PPP4C: variants seen among roughly 807,000 people sequenced by gnomAD.
PPP4C encodes the protein serine/threonine-protein phosphatase 4 catalytic subunit.
Under a neutral mutation model 40.5 loss-of-function variants are expected in PPP4C, and 10 were observed. The ratio of observed to expected loss-of-function variants is 0.25; its 90% confidence interval spans 0.15 to 0.42. The LOEUF is 0.42. Among genes scored for constraint, PPP4C ranks in the 10% least tolerant of loss-of-function variants. The probability of loss-of-function intolerance (pLI) is 1.00; values close to 1 mark genes in which losing one functional copy is unlikely to be tolerated. For missense variants in PPP4C, 191 were observed against 416.4 expected, an observed-to-expected ratio of 0.46 and a Z score of 4.71; for synonymous variants, 187 against 163.6, an observed-to-expected ratio of 1.14 and a Z score of -1.09.
At chr16:30,082,987 G>T in intron 5 of PPP4C, 140 bp downstream of exon 5, 1 of 748,380 alleles carries the variant, frequency 1.3e-6, no homozygotes, top group Non-Finnish European at 2.2e-6. Context: ...TCTGCTTTTG[G>T]GGGTGGTCAG....
chr16:30,078,238 C>CA (rs2072440279), intron 2 of PPP4C, among the ~76,000 whole-genome samples: 1 of 152,154 alleles, frequency 6.6e-6, no homozygotes, highest in Admixed American at 6.6e-5. Context: ...CTAAGGAATA[C>CA]GCAGGGTGGG....
Position 30,082,780 on chromosome 16 carries a change from T to C in PPP4C, c.236T>C (p.Phe79Ser). 1.2e-6 allele frequency: 2 copies of C among 1,614,096 alleles called. No individual in the cohort carries two copies. The highest frequency in any genetic ancestry group is 1.7e-6 in the Non-Finnish European group (2 of 1,180,004). Residue 79 changes from phenylalanine to serine, a missense_variant, in exon 5 of 9, where the codon TTC becomes TCC. Phe to Ser is a radical substitution (Grantham distance 155). Coordinates refer to ENST00000279387, the MANE Select transcript of PPP4C (RefSeq NM_002720.3). ...GACGTCCCTGAGACCAACTACCTCTTCATGGGGGACTTTGTGGACCGTGGC... is the reference window on the plus strand; with the variant it reads ...GACGTCCCTGAGACCAACTACCTCTCCATGGGGGACTTTGTGGACCGTGGC... ...GGDVPETNYL[F>S]MGDFVDRGFY...
chr16:30,082,569 G>A (rs2072531217), intron 4 of PPP4C, 35 bp downstream of exon 4: 8 of 1,601,620 alleles, frequency 5.0e-6, no homozygotes, highest in Non-Finnish European at 6.8e-6. Flanking sequence ...AATGTAACGG[G>A]GGGATGACTG....
chr16:30,080,506 C>CTTT lies in PPP4C; in HGVS notation c.99-737_99-735dup, dbSNP rs71373222. On this transcript the variant is annotated intron_variant, in intron 2 of 8. Transcript: ENST00000279387. Reference sequence around the variant, plus strand: ...CTGAACACATGGCAAGAGCACCTCACTTTTTTTTTTTTTTTTTTGAGATGA... The same window carrying CTTT: ...CTGAACACATGGCAAGAGCACCTCACTTTTTTTTTTTTTTTTTTTTTGAGATGA... Among the ~76,000 whole-genome samples the CTTT allele has an allele frequency of 1.4e-3, 171 of 123,980 alleles. 2 individuals are homozygous for CTTT. Among genetic ancestry groups the CTTT allele is most frequent in the African/African-American group, 3.9e-3 (130 of 32,924 alleles). The allele number at this position is 123,980 out of a possible 152,430, so 81.3% of individuals were successfully genotyped here. A position where few individuals can be genotyped will look rare whatever the true frequency, so the allele number is the denominator to read the frequency against.
chr16:30,082,591 T>G, intron 4 of PPP4C, 57 bp downstream of exon 4: 1 of 1,587,916 alleles, frequency 6.3e-7, no homozygotes, highest in Middle Eastern at 1.7e-4. Flanking sequence ...AAGACCCCTG[T>G]AATTGAGGGT....
At position 30,081,414 on chromosome 16, in the gene PPP4C, C is replaced by T. The variant is rs532357959; in HGVS notation, c.150+104C>T. ...TAAGCCCAACCCTAAGCTCTTTTAT[C>T]TGTCCTTTCCCTCACCTTCAACGGA... is the stretch of plus-strand genomic sequence containing the variant. On this transcript the variant is annotated intron_variant, in intron 3 of 8. Transcript: ENST00000279387. 3.6e-5 allele frequency: 34 copies of T among 935,604 alleles called. No individual in the cohort carries two copies. The Admixed American group carries it at 4.2e-4, about 12-fold the overall frequency. The allele number at this position is 935,604 out of a possible 1,614,324, so 58.0% of individuals were successfully genotyped here. A position where few individuals can be genotyped will look rare whatever the true frequency, so the allele number is the denominator to read the frequency against.
chr16:30,083,453 G>C lies in PPP4C; in HGVS notation c.363G>C (p.Thr121=), dbSNP rs1317052383. Residue 121 remains threonine (T), a synonymous_variant, in exon 6 of 9, where the codon ACG becomes ACC. Transcript: ENST00000279387. The surrounding 1 kb of genome is among the most constrained non-coding windows in gnomAD (Gnocchi z 6.3). ...GCAACCATGAGAGTCGCCAGATCAC[G>C]CAGGTCTATGGCTTCTACGATGAGT... ...IRGNHESRQI[T]QVYGFYDECL... The C allele has an allele frequency of 1.2e-6, 2 of 1,614,120 alleles. No homozygotes were observed. The highest frequency in any genetic ancestry group is 2.2e-5 in the East Asian group (1 of 44,878).
intron 2 of PPP4C, among the ~76,000 whole-genome samples, chr16:30,078,261 C>T (rs1215459149): frequency 6.6e-6 from 1 of 152,196 alleles, no homozygotes; most frequent in Admixed American, 6.5e-5. Context: ...GAGTACTTAG[C>T]CCCATTTCAT....
chr16:30,081,741 TCAAAAAAAAA>T lies in PPP4C; in HGVS notation c.150+451_150+460del, dbSNP rs536698787. 903 of 150,388 alleles carry T rather than the reference TCAAAAAAAAA, an allele frequency of 6.0e-3. 12 individuals are homozygous for T. The highest frequency in any genetic ancestry group is 0.021 in the African/African-American group (769 of 37,060). The allele number at this position is 150,388 out of a possible 1,614,324, so 9.3% of individuals were successfully genotyped here. A position where few individuals can be genotyped will look rare whatever the true frequency, so the allele number is the denominator to read the frequency against. Reference sequence around the variant, plus strand: ...CTGGGTGACAGAGGGAGACTCCGTCTCAAAAAAAAACAAAAAAAAACAAAAAAAACAGGCC... The same window carrying T: ...CTGGGTGACAGAGGGAGACTCCGTCTCAAAAAAAAACAAAAAAAACAGGCC... On this transcript the variant is annotated intron_variant, in intron 3 of 8. Coordinates refer to ENST00000279387, the MANE Select transcript of PPP4C (RefSeq NM_002720.3).
At chr16:30,082,881 G>T in intron 5 of PPP4C, 34 bp downstream of exon 5, 1 of 1,572,972 alleles carries the variant, frequency 6.4e-7, no homozygotes, top group South Asian at 1.1e-5. Flanking sequence ...CCCCAACCTG[G>T]GCGACCTCGG....
chr16:30,076,311 C>T lies in PPP4C; in HGVS notation c.-63-4C>T. 6.5e-7 allele frequency: 1 copy of T among 1,530,274 alleles called. No homozygotes were observed. The highest frequency in any genetic ancestry group is 1.8e-5 in the Admixed American group (1 of 56,280). 94.8% of individuals were successfully genotyped at this position (1,530,274 alleles called of 1,614,324 possible). A position where few individuals can be genotyped will look rare whatever the true frequency, so the allele number is the denominator to read the frequency against. On this transcript the variant is annotated splice_region_variant and splice_polypyrimidine_tract_variant and intron_variant, in intron 1 of 8. Coordinates refer to ENST00000279387, the MANE Select transcript of PPP4C (RefSeq NM_002720.3). ...ATCCGCGGGCTCGTCTTGGCCTTTC[C>T]CAGGAGACCCCTGTGCGGTGCGGAG...
rs2072500892 is a variant in PPP4C, at chr16:30,081,251, G to T, written c.99-8G>T. 3 of 1,613,536 alleles carry T rather than the reference G, an allele frequency of 1.9e-6. No individual in the cohort carries two copies. Among genetic ancestry groups the T allele is most frequent in the Non-Finnish European group, 2.5e-6 (3 of 1,179,824 alleles). Reference sequence around the variant, plus strand: ...GCTGTGGTGACCCTGGTCTTCTCCTGTCTCCAGAGAGATCTTGGTAGAGGA... The same window carrying T: ...GCTGTGGTGACCCTGGTCTTCTCCTTTCTCCAGAGAGATCTTGGTAGAGGA... On this transcript the variant is annotated splice_region_variant and splice_polypyrimidine_tract_variant and intron_variant, in intron 2 of 8. Transcript: ENST00000279387.
Position 30,085,208 on chromosome 16 carries a change from C to A in PPP4C, c.*146C>A. 3.5e-6 allele frequency: 3 copies of A among 846,802 alleles called. No individual in the cohort carries two copies. Among genetic ancestry groups the A allele is most frequent in the Non-Finnish European group, 5.4e-6 (3 of 552,900 alleles). 52.5% of individuals were successfully genotyped at this position (846,802 alleles called of 1,614,324 possible). On this transcript the variant is annotated 3_prime_UTR_variant, in exon 9 of 9. Transcript: ENST00000279387. ...GGGTGCTTCGAGGGTGAGGACTTCT[C>A]TGGAGAGGCCTGGAGACCTAGCTCC...
At chr16:30,079,000 C>T (rs2072454615) in intron 2 of PPP4C, among the ~76,000 whole-genome samples, 1 of 152,058 alleles carries the variant, frequency 6.6e-6, no homozygotes, top group Admixed American at 6.5e-5. Flanking sequence ...TGCGCTGGCA[C>T]TGAGGGGGGC....
At chr16:30,081,126 G>A in intron 2 of PPP4C, 133 bp from the exon 3 acceptor site, 1 of 1,278,090 alleles carries the variant, frequency 7.8e-7, no homozygotes, top group Non-Finnish European at 1.1e-6. Context: ...CCTGTTTTGG[G>A]GAGACTGTAC....
chr16:30,079,717 A>G (rs1158506477), intron 2 of PPP4C, among the ~76,000 whole-genome samples: 1 of 152,228 alleles, frequency 6.6e-6, no homozygotes, highest in Admixed American at 6.5e-5. Context: ...AGCAAGGGGC[A>G]TAAGTGAATC....
intron 7 of PPP4C, among the ~76,000 whole-genome samples, chr16:30,084,152 C>A (rs2072564979): frequency 6.6e-6 from 1 of 152,212 alleles, no homozygotes; most frequent in Admixed American, 6.5e-5. Flanking sequence ...GCCAGAGTTC[C>A]TGTTGTCACA....
intron 2 of PPP4C, among the ~76,000 whole-genome samples, chr16:30,080,786 T>C (rs951981892): frequency 6.6e-6 from 1 of 152,188 alleles, no homozygotes; most frequent in Non-Finnish European, 1.5e-5. Context: ...ATTACAGGCA[T>C]GAGCCACCGC....
chr16:30,079,948 C>T (rs2072473023), intron 2 of PPP4C, among the ~76,000 whole-genome samples: 1 of 152,200 alleles, frequency 6.6e-6, no homozygotes, highest in Admixed American at 6.5e-5. Flanking sequence ...ATCATAGTAC[C>T]TGCCTGCCAA....
Sources: allele counts gnomAD v4.1 joint callset (sites outside exome capture counted in the v4.1 genomes callset), GRCh38; gene constraint gnomAD v4.1.1; non-coding constraint Gnocchi (gnomAD v3.1); transcripts MANE v1.5; gene names NCBI Gene and HGNC (gene_info 2026-07-23, HGNC 2026-07-21).